The following RNF187 variants were observed in gnomAD, a reference collection of about 807,000 sequenced individuals.
RNF187 encodes ring finger protein 187, also known as E3 ubiquitin-protein ligase RNF187.
A neutral mutation model predicts 22.2 loss-of-function variants in RNF187; 18 were observed. That is an observed-to-expected ratio of 0.81 (90% CI 0.56 to 1.20). The LOEUF (loss-of-function observed/expected upper bound fraction) is 1.20. RNF187 is among the 50% of genes most tolerant of loss of function. The pLI is 0.00. For missense variants in RNF187, 329 were observed against 317.6 expected (o/e 1.04, Z -0.27); for synonymous variants, 164 against 140.9 (o/e 1.16, Z -1.16).
Position 228,494,754 on chromosome 1 carries a change from C to T in RNF187, c.*869C>T. The T allele has an allele frequency of 2.3e-5, 23 of 984,946 alleles. No homozygotes were observed. Among genetic ancestry groups the T allele is most frequent in the Non-Finnish European group, 2.7e-5 (22 of 829,892 alleles). The allele number at this position is 984,946 out of a possible 1,614,324, so 61.0% of individuals were successfully genotyped here. A position where few individuals can be genotyped will look rare whatever the true frequency, so the allele number is the denominator to read the frequency against. ...CATCCTTGTGTGTAGATAAATTAGT[C>T]GACAGAAACTCAGCACTGGGGACAG... On this transcript the variant is annotated 3_prime_UTR_variant, in exon 4 of 4. Transcript: ENST00000305943.
chr1:228,491,387 C>A, intron 2 of RNF187, among the ~76,000 whole-genome samples: 414 of 75,382 alleles, frequency 5.5e-3, no homozygotes, highest in South Asian at 8.6e-3. Context: ...GGCCCTATCT[C>A]AAAAAAAAAA....
intron 2 of RNF187, 74 bp downstream of exon 2, chr1:228,489,126 G>A: frequency 7.9e-7 from 1 of 1,262,226 alleles, no homozygotes; most frequent in Non-Finnish European, 1.1e-6. Flanking sequence ...GGGACCACCA[G>A]GCCAAGTGGG....
intron 2 of RNF187, among the ~76,000 whole-genome samples, chr1:228,489,867 G>C: frequency 6.6e-6 from 1 of 152,210 alleles, no homozygotes. Context: ...GCCATCACCT[G>C]AGGGATGAGG....
chr1:228,493,379 C>T lies in RNF187; in HGVS notation c.705+105C>T. On this transcript the variant is annotated intron_variant, in intron 3 of 3. Coordinates refer to ENST00000305943, the MANE Select transcript of RNF187 (RefSeq NM_001010858.3). This position sits in a 1 kb window ranked among gnomAD's most constrained non-coding sequence, Gnocchi z 4.7. ...CCGAAGTCAAGGCTTAAAAGCCCAG[C>T]CTGACTCCCACTGCCGTGGCCTTGC... The T allele has an allele frequency of 0.097, 142,450 of 1,462,508 alleles. 7,358 individuals carry two copies. Among genetic ancestry groups the T allele is most frequent in the Non-Finnish European group, 0.11 (120,218 of 1,105,394 alleles). The allele number at this position is 1,462,508 out of a possible 1,614,324, so 90.6% of individuals were successfully genotyped here.
chr1:228,493,950 G>A lies in RNF187; in HGVS notation c.*65G>A. On this transcript the variant is annotated 3_prime_UTR_variant, in exon 4 of 4. Transcript: ENST00000305943. The surrounding 1 kb of genome is among the most constrained non-coding windows in gnomAD (Gnocchi z 4.7). Reference sequence around the variant, plus strand: ...GGATGGATCCTCATCTCCATGGGAAGTGTCAGCGTGTGGCTGCCAGGGAAG... The same window carrying A: ...GGATGGATCCTCATCTCCATGGGAAATGTCAGCGTGTGGCTGCCAGGGAAG... 6.4e-7 allele frequency: 1 copy of A among 1,551,740 alleles called. No individual in the cohort carries two copies. The highest frequency in any genetic ancestry group is 1.4e-5 in the African/African-American group (1 of 73,182).
Position 228,494,448 on chromosome 1 carries a change from C to G in RNF187, c.*563C>G. ...TCTTGAGGTGGGCGTGGGCCCGGCC[C>G]AGCCTTATCCAAGTCGCTCTGTCCA... On this transcript the variant is annotated 3_prime_UTR_variant, in exon 4 of 4. Coordinates refer to ENST00000305943, the MANE Select transcript of RNF187 (RefSeq NM_001010858.3). The G allele has an allele frequency of 1.0e-6, 1 of 991,228 alleles. No homozygotes were observed. Among genetic ancestry groups the G allele is most frequent in the South Asian group, 4.6e-5 (1 of 21,798 alleles). 61.4% of individuals were successfully genotyped at this position (991,228 alleles called of 1,614,324 possible). A position where few individuals can be genotyped will look rare whatever the true frequency, so the allele number is the denominator to read the frequency against.
At chr1:228,488,826 A>G in intron 1 of RNF187, 134 bp from the exon 2 acceptor site, 1 of 683,526 alleles carries the variant, frequency 1.5e-6, no homozygotes, top group African/African-American at 1.8e-5. Context: ...CCTGCCCTAG[A>G]CAACCGGGCT....
At chr1:228,490,572 AG>A in intron 2 of RNF187, among the ~76,000 whole-genome samples, 1 of 152,224 alleles carries the variant, frequency 6.6e-6, no homozygotes, top group African/African-American at 2.4e-5. Context: ...ATCCAAAGGA[AG>A]GAGTTTGCAG....
chr1:228,489,782 G>A, intron 2 of RNF187, among the ~76,000 whole-genome samples: 3 of 152,004 alleles, frequency 2.0e-5, no homozygotes, highest in African/African-American at 7.2e-5. Context: ...GGGCCTTTGT[G>A]TAAGGACACT....
chr1:228,487,553 C>T lies in RNF187; in HGVS notation c.65C>T (p.Pro22Leu), dbSNP rs1658862920. ...CTGTGCCAGCGCGCGCCCCGGGAAC[C>T]GGTGCGCGCCGACTGCGGCCACCGC... The change falls in exon 1 of 4, where the codon CCG becomes CTG. Residue 22 changes from proline (P) to leucine (L), a missense_variant. Physicochemically the swap from Pro to Leu is moderately conservative, Grantham distance 98. Coordinates refer to ENST00000305943, the MANE Select transcript of RNF187 (RefSeq NM_001010858.3). 9.7e-6 allele frequency: 12 copies of T among 1,232,698 alleles called. 1 individual carries two copies. Among genetic ancestry groups the T allele is most frequent in the Non-Finnish European group, 1.0e-5 (10 of 977,508 alleles). 76.4% of individuals were successfully genotyped at this position (1,232,698 alleles called of 1,614,324 possible). A position where few individuals can be genotyped will look rare whatever the true frequency, so the allele number is the denominator to read the frequency against.
chr1:228,488,024 C>T, intron 1 of RNF187, 146 bp downstream of exon 1: 2 of 414,060 alleles, frequency 4.8e-6, no homozygotes, highest in Admixed American at 5.9e-5. Flanking sequence ...TCCCCCTCCC[C>T]TCACCGCCAC....
chr1:228,489,049 G>A lies in RNF187; in HGVS notation c.480G>A (p.Trp160Ter). 6.5e-7 allele frequency: 1 copy of A among 1,546,960 alleles called. No individual in the cohort carries two copies. Residue 160 changes from tryptophan (W) to a stop codon, truncating the protein, a stop_gained, in exon 2 of 4, where the codon TGG becomes TGA. Transcript: ENST00000305943. LOFTEE classifies it high-confidence loss of function. Reference sequence around the variant, plus strand: ...AGGCAGAGTCAGCAGCTGCAGTGTGGAAGGCAAGTGGGGGGACCTGGGGCA... The same window carrying A: ...AGGCAGAGTCAGCAGCTGCAGTGTGAAAGGCAAGTGGGGGGACCTGGGGCA...
At chr1:228,488,813 G>C in intron 1 of RNF187, 147 bp from the exon 2 acceptor site, 1 of 638,294 alleles carries the variant, frequency 1.6e-6, no homozygotes, top group South Asian at 1.9e-5. Context: ...CTGCCTGTGC[G>C]TTCCTGCCCT....
In RNF187 at chr1:228,487,685, C is replaced by A; in HGVS notation, c.197C>A (p.Pro66His). 1 of 1,081,978 alleles carries A rather than the reference C, an allele frequency of 9.2e-7. No homozygotes were observed. The highest frequency in any genetic ancestry group is 6.5e-5 in the East Asian group (1 of 15,276). The allele number at this position is 1,081,978 out of a possible 1,614,324, so 67.0% of individuals were successfully genotyped here. ...CAGCGCGCCGTGGAGCCCGGCAGGC[C>A]CCCGCTCAGCCGCCGCCTTCTGGCG... The change falls in exon 1 of 4, where the codon CCC becomes CAC. Residue 66 changes from proline (P) to histidine (H), a missense_variant. Coordinates refer to ENST00000305943, the MANE Select transcript of RNF187 (RefSeq NM_001010858.3).
In RNF187 at chr1:228,493,217, G is replaced by A. The variant is rs1659010726; in HGVS notation, c.648G>A (p.Gln216=). ...CTGAGCGGTTCAGGTCACTGCTGCA[G>A]GCGGTCTCGGAGCTGGAGAAGAAGC... The change falls in exon 3 of 4, where the codon CAG becomes CAA. Residue 216 remains glutamine (Q), a synonymous_variant. Coordinates refer to ENST00000305943, the MANE Select transcript of RNF187 (RefSeq NM_001010858.3). This position sits in a 1 kb window ranked among gnomAD's most constrained non-coding sequence, Gnocchi z 4.7. 6.4e-7 allele frequency: 1 copy of A among 1,551,544 alleles called. No individual in the cohort carries two copies. Among genetic ancestry groups the A allele is most frequent in the Admixed American group, 2.0e-5 (1 of 50,996 alleles).
chr1:228,493,835 C>G lies in RNF187; in HGVS notation c.706-48C>G. ...TGCCTCTGTCTCTGACTCTGTGTGT[C>G]TCTTTCTCTTTTTGTCTCTCTGTCT... On this transcript the variant is annotated intron_variant, in intron 3 of 3. Coordinates refer to ENST00000305943, the MANE Select transcript of RNF187 (RefSeq NM_001010858.3). The surrounding 1 kb of genome is among the most constrained non-coding windows in gnomAD (Gnocchi z 4.7). 3.2e-6 allele frequency: 5 copies of G among 1,541,930 alleles called. No homozygotes were observed. The South Asian group carries it at 3.6e-5, about 11-fold the overall frequency.
rs755083821 is a variant in RNF187 at position 228,493,220 on chromosome 1, G to A, written c.651G>A (p.Ala217=). 12 of 1,551,602 alleles carry A rather than the reference G, an allele frequency of 7.7e-6. No individual in the cohort carries two copies. Among genetic ancestry groups the A allele is most frequent in the Admixed American group, 3.9e-5 (2 of 51,014 alleles). The change falls in exon 3 of 4, where the codon GCG becomes GCA. Residue 217 remains alanine (A), a synonymous_variant. Coordinates refer to ENST00000305943, the MANE Select transcript of RNF187 (RefSeq NM_001010858.3). This position sits in a 1 kb window ranked among gnomAD's most constrained non-coding sequence, Gnocchi z 4.7. ...AGCGGTTCAGGTCACTGCTGCAGGCGGTCTCGGAGCTGGAGAAGAAGCATC... is the reference window on the plus strand; with the variant it reads ...AGCGGTTCAGGTCACTGCTGCAGGCAGTCTCGGAGCTGGAGAAGAAGCATC...
chr1:228,494,472 C>T lies in RNF187; in HGVS notation c.*587C>T. 1 of 987,862 alleles carries T rather than the reference C, an allele frequency of 1.0e-6. No individual in the cohort carries two copies. Among genetic ancestry groups the T allele is most frequent in the Non-Finnish European group, 1.2e-6 (1 of 831,420 alleles). The allele number at this position is 987,862 out of a possible 1,614,324, so 61.2% of individuals were successfully genotyped here. ...CCAGCCTTATCCAAGTCGCTCTGTC[C>T]ACCTCCCCCTTCCTGGCCCCCACCC... On this transcript the variant is annotated 3_prime_UTR_variant, in exon 4 of 4. Transcript: ENST00000305943.
At position 228,494,488 on chromosome 1, in the gene RNF187, G is replaced by A; in HGVS notation, c.*603G>A. ...CGCTCTGTCCACCTCCCCCTTCCTG[G>A]CCCCCACCCCACTCCTGTGCCTCCC... On this transcript the variant is annotated 3_prime_UTR_variant, in exon 4 of 4. Transcript: ENST00000305943. The A allele has an allele frequency of 2.0e-6, 2 of 986,552 alleles. No homozygotes were observed. Among genetic ancestry groups the A allele is most frequent in the Non-Finnish European group, 2.4e-6 (2 of 830,700 alleles). 61.1% of individuals were successfully genotyped at this position (986,552 alleles called of 1,614,324 possible). A position where few individuals can be genotyped will look rare whatever the true frequency, so the allele number is the denominator to read the frequency against.
Sources: allele counts gnomAD v4.1 joint callset (sites outside exome capture counted in the v4.1 genomes callset), GRCh38; gene constraint gnomAD v4.1.1; non-coding constraint Gnocchi (gnomAD v3.1); transcripts MANE v1.5; gene names NCBI Gene and HGNC (gene_info 2026-07-23, HGNC 2026-07-21).